The following PALM2AKAP2 variants were observed in gnomAD, a reference collection of about 807,000 sequenced individuals.
The protein encoded by PALM2AKAP2 is PALM2-AKAP2 fusion protein.
Under a neutral mutation model 71.5 loss-of-function variants are expected in PALM2AKAP2, and 37 were observed. The ratio of observed to expected loss-of-function variants is 0.52; its 90% CI spans 0.40 to 0.68. The LOEUF (loss-of-function observed/expected upper bound fraction) is 0.68, where lower values mean the gene tolerates loss of function less well. Among genes scored for constraint, PALM2AKAP2 ranks in the 30% least tolerant of loss-of-function variants. PALM2AKAP2 has a pLI of 0.00. For missense variants in PALM2AKAP2, 1,224 were observed against 1,191.8 expected, an observed-to-expected ratio of 1.03 and a Z score of -0.40; for synonymous variants, 468 against 478.8, an observed-to-expected ratio of 0.98 and a Z score of 0.29.
intron 1 of PALM2AKAP2, among the ~76,000 whole-genome samples, chr9:109,666,925 A>G (rs1455205735): frequency 1.3e-5 from 2 of 152,242 alleles, no homozygotes; most frequent in African/African-American, 4.8e-5. Context: ...GCTCTGCATA[A>G]CTTGTGCAGA....
chr9:109,815,705 G>A (rs936042764), intron 1 of PALM2AKAP2, among the ~76,000 whole-genome samples: 1 of 152,236 alleles, frequency 6.6e-6, no homozygotes, highest in Admixed American at 6.5e-5. Flanking sequence ...GGTTCAGTGA[G>A]GTTGTGGAGT....
chr9:110,035,156 A>C (rs2132429115), intron 7 of PALM2AKAP2, among the ~76,000 whole-genome samples: 1 of 148,970 alleles, frequency 6.7e-6, no homozygotes, highest in East Asian at 1.9e-4. Flanking sequence ...CTAAAATTTA[A>C]GAAATACTTT....
At chr9:109,834,013 G>C (rs1044269119) in intron 1 of PALM2AKAP2, among the ~76,000 whole-genome samples, 4 of 152,190 alleles carry the variant, frequency 2.6e-5, no homozygotes, top group African/African-American at 9.7e-5. Context: ...AGAAGTTCGA[G>C]ACCAGTCTGA....
At chr9:109,924,978 G>A (rs1830918964) in intron 4 of PALM2AKAP2, 83 bp from the exon 5 acceptor site, 1 of 1,598,176 alleles carries the variant, frequency 6.3e-7, no homozygotes, top group Admixed American at 1.7e-5. Flanking sequence ...GGAGAAAGAT[G>A]GGTTAAGTCT....
intron 1 of PALM2AKAP2, among the ~76,000 whole-genome samples, chr9:109,751,025 C>A (rs1828880415): frequency 6.6e-6 from 1 of 152,170 alleles, no homozygotes; most frequent in Admixed American, 6.6e-5. Context: ...CCTAAGCAAA[C>A]TGTACAATCT....
intron 3 of PALM2AKAP2, among the ~76,000 whole-genome samples, chr9:109,922,929 A>G (rs920831428): frequency 3.9e-5 from 6 of 152,198 alleles, no homozygotes; most frequent in African/African-American, 1.4e-4. Flanking sequence ...CCCTACTCAC[A>G]GGGTCATTGG....
At chr9:109,827,626 A>G (rs894476167) in intron 1 of PALM2AKAP2, among the ~76,000 whole-genome samples, 1 of 152,102 alleles carries the variant, frequency 6.6e-6, no homozygotes, top group African/African-American at 2.4e-5. Flanking sequence ...AAAAAAAATT[A>G]TGAGTTGCTG....
rs1470208385 is a variant in PALM2AKAP2, at chr9:109,782,740, TTGTTTGTG to T, written c.45+2211_45+2218del. Among the ~76,000 whole-genome samples the T allele has an allele frequency of 2.2e-3, 281 of 126,064 alleles. 1 individual carries two copies. The highest frequency in any genetic ancestry group is 8.6e-3 in the African/African-American group (258 of 29,982). The allele number at this position is 126,064 out of a possible 152,430, so 82.7% of individuals were successfully genotyped here. ...GGACAGATTTGCTAACAGCGTGTGT[TTGTTTGTG>T]TGTGTGTGTGTGTGTGTGTGTGTGT... is the stretch of plus-strand genomic sequence containing the variant. On this transcript the variant is annotated intron_variant, in intron 1 of 9. Coordinates refer to the PALM2AKAP2 transcript ENST00000302798.
At chr9:109,659,655 C>T (rs1022779544) in intron 1 of PALM2AKAP2, among the ~76,000 whole-genome samples, 8 of 152,090 alleles carry the variant, frequency 5.3e-5, no homozygotes, top group Non-Finnish European at 1.5e-5. Context: ...AAACATTTAA[C>T]ACTTTGCAAA....
At chr9:109,847,131 G>T (rs1056939716) in intron 1 of PALM2AKAP2, among the ~76,000 whole-genome samples, 11 of 151,204 alleles carry the variant, frequency 7.3e-5, no homozygotes, top group African/African-American at 1.9e-4. Flanking sequence ...TGGAAGAGGG[G>T]TTTTTTTTTG....
intron 1 of PALM2AKAP2, among the ~76,000 whole-genome samples, chr9:109,657,754 T>G (rs1827327606): frequency 6.6e-6 from 1 of 152,122 alleles, no homozygotes; most frequent in Non-Finnish European, 1.5e-5. Context: ...AGCAGAAGGC[T>G]AGGTAACTGA....
At chr9:110,043,009 A>AT (rs1183315465) in intron 7 of PALM2AKAP2, among the ~76,000 whole-genome samples, 1 of 152,024 alleles carries the variant, frequency 6.6e-6, no homozygotes, top group African/African-American at 2.4e-5. Flanking sequence ...CATTCTTTCT[A>AT]TTTTTTGGTA....
intron 1 of PALM2AKAP2, among the ~76,000 whole-genome samples, chr9:110,124,782 A>G (rs1444739663): frequency 2.6e-5 from 4 of 152,198 alleles, no homozygotes; most frequent in African/African-American, 4.8e-5. Flanking sequence ...CTTCAGATGC[A>G]TCTGTCCACT....
At chr9:110,106,513 G>T (rs189349044) in intron 1 of PALM2AKAP2, among the ~76,000 whole-genome samples, 2 of 152,288 alleles carry the variant, frequency 1.3e-5, no homozygotes, top group Admixed American at 1.3e-4. Context: ...TTTAGGTAGA[G>T]GGAAGAGAGG....
intron 6 of PALM2AKAP2, among the ~76,000 whole-genome samples, chr9:109,960,559 C>T (rs1195634805): frequency 6.6e-6 from 1 of 152,108 alleles, no homozygotes; most frequent in Non-Finnish European, 1.5e-5. Flanking sequence ...AGGAGGATTG[C>T]TTGAGCACAG....
intron 1 of PALM2AKAP2, among the ~76,000 whole-genome samples, chr9:110,119,948 G>A (rs752569214): frequency 6.6e-6 from 1 of 152,192 alleles, no homozygotes; most frequent in Non-Finnish European, 1.5e-5. Flanking sequence ...TAAGTTAGCA[G>A]TGGTATTATG....
intron 6 of PALM2AKAP2, among the ~76,000 whole-genome samples, chr9:109,973,836 G>A (rs118105643): frequency 2.0e-5 from 3 of 152,264 alleles, no homozygotes; most frequent in East Asian, 1.9e-4. Context: ...TGCCTGAATC[G>A]AAGCCAGTAC....
At chr9:109,806,241 A>G (rs1827569381) in intron 1 of PALM2AKAP2, among the ~76,000 whole-genome samples, 1 of 152,244 alleles carries the variant, frequency 6.6e-6, no homozygotes, top group African/African-American at 2.4e-5. Context: ...TTATTTACAA[A>G]AGTGGTCTTT....
intron 3 of PALM2AKAP2, among the ~76,000 whole-genome samples, chr9:109,898,358 G>A (rs12686495): frequency 0.095 from 14,509 of 152,210 alleles, 837 homozygotes; most frequent in East Asian, 0.17. Context: ...TTTCCAGACT[G>A]TTTTACAGAT....
Sources: gnomAD v4.1 joint callset for allele counts (sites outside exome capture counted in the v4.1 genomes callset) on GRCh38, gnomAD v4.1.1 for gene constraint, MANE v1.5 for transcripts, NCBI Gene and HGNC (gene_info 2026-07-23, HGNC 2026-07-21) for gene names.